MRTFB: variants seen among roughly 807,000 people sequenced by gnomAD.
The protein encoded by MRTFB is myocardin-related transcription factor B.
Under a neutral mutation model 104.2 loss-of-function variants are expected in MRTFB, and 29 were observed. That is an observed-to-expected ratio of 0.28 (90% CI 0.21 to 0.38). The LOEUF is 0.38. MRTFB is among the 10% of genes least tolerant of loss of function. MRTFB has a pLI of 1.00. For synonymous variants in MRTFB, 535 were observed against 519.5 expected, an observed-to-expected ratio of 1.03 and a Z score of -0.41; for missense variants, 1,270 against 1,341.6, an observed-to-expected ratio of 0.95 and a Z score of 0.83.
At chr16:14,260,107 C>G (rs1222162173) in intron 16 of MRTFB, among the ~76,000 whole-genome samples, 1 of 152,102 alleles carries the variant, frequency 6.6e-6, no homozygotes. Flanking sequence ...AATTTGCTGC[C>G]TGATCTGGCA....
At chr16:14,133,515 C>G (rs561445940) in intron 2 of MRTFB, among the ~76,000 whole-genome samples, 1 of 152,200 alleles carries the variant, frequency 6.6e-6, no homozygotes, top group Non-Finnish European at 1.5e-5. Flanking sequence ...TCCATTGATT[C>G]CTAATAGCAA....
chr16:14,186,438 TAG>T (rs1345383626), intron 3 of MRTFB, among the ~76,000 whole-genome samples: 1 of 152,192 alleles, frequency 6.6e-6, no homozygotes, highest in African/African-American at 2.4e-5. Context: ...GCTGTGTTTA[TAG>T]AGAGCGGGAG....
chr16:14,172,064 G>T (rs2039440388), intron 3 of MRTFB, among the ~76,000 whole-genome samples: 2 of 152,092 alleles, frequency 1.3e-5, no homozygotes, highest in South Asian at 4.2e-4. Context: ...TATTAATAAG[G>T]TTCTGAAAGT....
chr16:14,151,376 A>C (rs1021690915), intron 3 of MRTFB: 1 of 152,106 alleles, frequency 6.6e-6, no homozygotes, highest in Non-Finnish European at 1.5e-5. Flanking sequence ...AGCTTTTTCA[A>C]ATTTTCACAC....
In MRTFB at chr16:14,263,450, A is replaced by T. The variant is rs2043844193; in HGVS notation, c.*2006A>T. ...TTCTGTCTGGGCCTATCAGGTCCATACTTAGACCCTGAGCATCTTCTTCAT... is the reference window on the plus strand; with the variant it reads ...TTCTGTCTGGGCCTATCAGGTCCATTCTTAGACCCTGAGCATCTTCTTCAT... On this transcript the variant is annotated 3_prime_UTR_variant, in exon 17 of 17. Coordinates refer to ENST00000571589, the MANE Select transcript of MRTFB (RefSeq NM_001308142.2). The T allele has an allele frequency of 6.6e-6, 1 of 152,200 alleles. No individual in the cohort carries two copies. The highest frequency in any genetic ancestry group is 1.5e-5 in the Non-Finnish European group (1 of 68,040). The allele number at this position is 152,200 out of a possible 1,614,324, so 9.4% of individuals were successfully genotyped here. A position where few individuals can be genotyped will look rare whatever the true frequency, so the allele number is the denominator to read the frequency against.
At chr16:14,118,048 T>C (rs1468190511) in intron 2 of MRTFB, among the ~76,000 whole-genome samples, 1 of 152,000 alleles carries the variant, frequency 6.6e-6, no homozygotes, top group African/African-American at 2.4e-5. Context: ...AAAAATGATA[T>C]AAAATAGAAT....
chr16:14,075,118 G>A (rs1863698557), intron 1 of MRTFB, among the ~76,000 whole-genome samples: 1 of 152,144 alleles, frequency 6.6e-6, no homozygotes, highest in South Asian at 2.1e-4. Flanking sequence ...TGTTATTGTT[G>A]TTTAAGAAAT....
the MRTFB span, among the ~76,000 whole-genome samples, chr16:14,021,842 C>G: frequency 6.6e-6 from 1 of 152,126 alleles, no homozygotes; most frequent in African/African-American, 2.4e-5. Flanking sequence ...TGGGCTGGTT[C>G]CATATTTTTG....
intron 15 of MRTFB, among the ~76,000 whole-genome samples, chr16:14,257,065 C>T (rs780802314): frequency 7.9e-5 from 12 of 152,174 alleles, no homozygotes; most frequent in Admixed American, 2.0e-4. Context: ...AATGAAATAT[C>T]TAAAATTGAA....
At chr16:14,119,624 G>C (rs1440425745) in intron 2 of MRTFB, among the ~76,000 whole-genome samples, 1 of 152,096 alleles carries the variant, frequency 6.6e-6, no homozygotes, top group East Asian at 1.9e-4. Flanking sequence ...TTTTTGTAAG[G>C]GTTAGAGTAG....
At chr16:14,221,741 G>A (rs1320258663) in intron 8 of MRTFB, among the ~76,000 whole-genome samples, 1 of 150,482 alleles carries the variant, frequency 6.6e-6, no homozygotes, top group Non-Finnish European at 1.5e-5. Context: ...ATTGGCTGTA[G>A]TGGAGGACTA....
At chr16:14,193,290 C>A (rs2040277317) in intron 3 of MRTFB, among the ~76,000 whole-genome samples, 1 of 150,602 alleles carries the variant, frequency 6.6e-6, no homozygotes, top group South Asian at 2.1e-4. Flanking sequence ...CTGGCTCACA[C>A]CTTGTAATTG....
intron 2 of MRTFB, among the ~76,000 whole-genome samples, chr16:14,091,994 CAAAAAAAAAAAAA>C (rs10523985): frequency 1.8e-4 from 15 of 82,074 alleles, no homozygotes; most frequent in Non-Finnish European, 3.3e-4. Flanking sequence ...GACTTCATCT[CAAAAAAAAAAAAA>C]AAAAAAAAAA....
At chr16:14,238,007 T>G (rs1227117928) in intron 9 of MRTFB, among the ~76,000 whole-genome samples, 1 of 152,144 alleles carries the variant, frequency 6.6e-6, no homozygotes, top group Non-Finnish European at 1.5e-5. Flanking sequence ...TTTATGTTTT[T>G]CCTGTAGCCA....
the MRTFB span, chr16:14,015,764 T>TGATC: frequency 2.5e-6 from 1 of 396,458 alleles, no homozygotes; most frequent in Non-Finnish European, 4.4e-6. Context: ...TGAGACTGTG[T>TGATC]GATCCTTAAA....
the MRTFB span, among the ~76,000 whole-genome samples, chr16:14,051,036 A>G: frequency 6.6e-6 from 1 of 152,160 alleles, no homozygotes; most frequent in African/African-American, 2.4e-5. Flanking sequence ...CAGGAATTCA[A>G]TCCTGTGCTG....
intron 2 of MRTFB, among the ~76,000 whole-genome samples, chr16:14,140,203 G>A (rs901568637): frequency 7.2e-5 from 11 of 152,146 alleles, no homozygotes; most frequent in Non-Finnish European, 1.5e-4. Context: ...TTTCAAGCCA[G>A]ACTACTTCTT....
intron 2 of MRTFB, among the ~76,000 whole-genome samples, chr16:14,109,669 G>C (rs1056787253): frequency 1.3e-5 from 2 of 152,148 alleles, no homozygotes; most frequent in African/African-American, 4.8e-5. Context: ...TTTAGTATAA[G>C]TAATTGTCCC....
intron 3 of MRTFB, among the ~76,000 whole-genome samples, chr16:14,158,525 G>A (rs1277012723): frequency 1.3e-5 from 2 of 152,066 alleles, no homozygotes; most frequent in Non-Finnish European, 2.9e-5. Context: ...AAAGCTACCT[G>A]GTTTAGATGG....
Sources: gnomAD v4.1 joint callset for allele counts (sites outside exome capture counted in the v4.1 genomes callset) on GRCh38, gnomAD v4.1.1 for gene constraint, MANE v1.5 for transcripts, NCBI Gene and HGNC (gene_info 2026-07-23, HGNC 2026-07-21) for gene names.